ENOX1: variants seen among roughly 807,000 people sequenced by gnomAD.
The protein encoded by ENOX1 is ecto-NOX disulfide-thiol exchanger 1, also known as candidate growth-related and time keeping constitutive hydroquinone (NADH) oxidase.
A neutral mutation model predicts 82.5 loss-of-function variants in ENOX1; 42 were observed. The ratio of observed to expected loss-of-function variants is 0.51; its 90% confidence interval spans 0.40 to 0.66. The LOEUF is 0.66. ENOX1 is among the 30% of genes least tolerant of loss of function. ENOX1 has a pLI of 0.00. For synonymous variants in ENOX1, 271 were observed against 282.2 expected (o/e 0.96, Z 0.40); for missense variants, 608 against 811.6 (o/e 0.75, Z 3.05).
intron 2 of ENOX1, among the ~76,000 whole-genome samples, chr13:43,640,906 A>G (rs2083615078): frequency 2.4e-5 from 1 of 40,904 alleles, no homozygotes; most frequent in Non-Finnish European, 4.3e-5. Context: ...GTACACACAC[A>G]CGCACGCACA....
chr13:43,459,299 G>C (rs990347398), intron 3 of ENOX1: 2 of 152,164 alleles, frequency 1.3e-5, no homozygotes, highest in Non-Finnish European at 2.9e-5. Flanking sequence ...CAATCAATAA[G>C]TAACATGAAT....
intron 12 of ENOX1, among the ~76,000 whole-genome samples, chr13:43,291,757 G>GTGTT (rs1319581965): frequency 6.6e-6 from 1 of 152,194 alleles, no homozygotes; most frequent in African/African-American, 2.4e-5. Flanking sequence ...GGCAATGTAT[G>GTGTT]TGTTTGTATT....
intron 2 of ENOX1, among the ~76,000 whole-genome samples, chr13:43,509,726 C>T (rs1330323336): frequency 6.6e-6 from 1 of 151,898 alleles, no homozygotes; most frequent in Non-Finnish European, 1.5e-5. Flanking sequence ...GTGTTTAAAC[C>T]AAATGAAGAG....
chr13:43,275,211 T>G (rs1221742404), intron 12 of ENOX1, among the ~76,000 whole-genome samples: 1 of 152,246 alleles, frequency 6.6e-6, no homozygotes, highest in Non-Finnish European at 1.5e-5. Flanking sequence ...TGTATACTTC[T>G]GTGAGCGGTG....
At chr13:43,359,220 T>C (rs1290410135) in intron 7 of ENOX1, among the ~76,000 whole-genome samples, 1 of 152,174 alleles carries the variant, frequency 6.6e-6, no homozygotes, top group Non-Finnish European at 1.5e-5. Flanking sequence ...GAATGTGTCC[T>C]TCCAAAGCCA....
chr13:43,487,731 T>C (rs12872452), intron 2 of ENOX1, among the ~76,000 whole-genome samples: 13,337 of 152,232 alleles, frequency 0.088, 657 homozygotes, highest in East Asian at 0.17. Context: ...AACATGTCTG[T>C]CACTGTGGAC....
intron 7 of ENOX1, 74 bp from the exon 8 acceptor site, chr13:43,356,226 C>T (rs543261899): frequency 3.5e-5 from 46 of 1,322,904 alleles, no homozygotes; most frequent in Admixed American, 6.3e-5. Context: ...CTTCAAGGCA[C>T]GCTTAGGCAA....
At chr13:43,569,604 G>A (rs376479817) in intron 2 of ENOX1, among the ~76,000 whole-genome samples, 42 of 151,788 alleles carry the variant, frequency 2.8e-4, no homozygotes, top group East Asian at 2.5e-3. Context: ...AGATTGAGAC[G>A]ACAACTCATC....
At chr13:43,251,604 T>G (rs1566340133) in intron 14 of ENOX1, among the ~76,000 whole-genome samples, 1 of 152,134 alleles carries the variant, frequency 6.6e-6, no homozygotes, top group Non-Finnish European at 1.5e-5. Flanking sequence ...TTTGGACTGA[T>G]CTTAGGGTAA....
intron 6 of ENOX1, 137 bp downstream of exon 6, chr13:43,361,142 A>C: frequency 1.2e-6 from 1 of 824,986 alleles, no homozygotes; most frequent in Non-Finnish European, 1.9e-6. Context: ...CCTAGAGACA[A>C]AAGGCCTTCT....
chr13:43,721,885 C>T (rs78060803), intron 1 of ENOX1, among the ~76,000 whole-genome samples: 1,915 of 152,220 alleles, frequency 0.013, 36 homozygotes, highest in African/African-American at 0.043. Context: ...TCAGTAAACA[C>T]TTGTTAAACA....
chr13:43,231,411 TCA>T (rs2042274461), intron 15 of ENOX1, among the ~76,000 whole-genome samples: 1 of 152,224 alleles, frequency 6.6e-6, no homozygotes. Context: ...CTGATGCTTC[TCA>T]GTGCCTTGGG....
At chr13:43,562,075 T>C (rs1038273177) in intron 2 of ENOX1, among the ~76,000 whole-genome samples, 3 of 151,838 alleles carry the variant, frequency 2.0e-5, no homozygotes, top group Admixed American at 6.6e-5. Flanking sequence ...CATGGCCAAA[T>C]AGAAGCCTCC....
chr13:43,615,898 C>T (rs1238637789), intron 2 of ENOX1, among the ~76,000 whole-genome samples: 2 of 151,512 alleles, frequency 1.3e-5, no homozygotes, highest in Non-Finnish European at 2.9e-5. Flanking sequence ...CAGCTACATC[C>T]ATGTCCCTGC....
At chr13:43,449,911 T>C (rs561534319) in intron 3 of ENOX1, among the ~76,000 whole-genome samples, 21 of 152,296 alleles carry the variant, frequency 1.4e-4, no homozygotes, top group African/African-American at 4.8e-4. Context: ...TAAGAGGCCA[T>C]AGTGAAAAAT....
intron 3 of ENOX1, among the ~76,000 whole-genome samples, chr13:43,431,477 T>A (rs1249038658): frequency 6.6e-6 from 1 of 152,178 alleles, no homozygotes; most frequent in Non-Finnish European, 1.5e-5. Context: ...CTTATTTTCT[T>A]TCTCTCTAGG....
intron 2 of ENOX1, among the ~76,000 whole-genome samples, chr13:43,495,095 C>A (rs1051231693): frequency 1.3e-5 from 2 of 152,028 alleles, no homozygotes; most frequent in African/African-American, 4.8e-5. Context: ...TGCCACATTC[C>A]TTCCTATGTT....
chr13:43,528,878 C>A (rs1408358067), intron 2 of ENOX1, among the ~76,000 whole-genome samples: 1 of 151,782 alleles, frequency 6.6e-6, no homozygotes, highest in South Asian at 2.1e-4. Flanking sequence ...AGTGATTGAC[C>A]CACTTAATCT....
intron 3 of ENOX1, among the ~76,000 whole-genome samples, chr13:43,455,901 T>C (rs2325040): frequency 0.44 from 67,621 of 152,000 alleles, 15,517 homozygotes; most frequent in Non-Finnish European, 0.5. Flanking sequence ...GATTGTGAGG[T>C]CTCCCCAGCC....
Sources: gnomAD v4.1 joint callset for allele counts (sites outside exome capture counted in the v4.1 genomes callset) on GRCh38, gnomAD v4.1.1 for gene constraint, MANE v1.5 for transcripts, NCBI Gene and HGNC (gene_info 2026-07-23, HGNC 2026-07-21) for gene names.